HACE1: variants seen among roughly 807,000 people sequenced by gnomAD.
The protein encoded by HACE1 is HECT domain and ankyrin repeat containing E3 ubiquitin protein ligase 1, also known as E3 ubiquitin-protein ligase HACE1.
In HACE1, 73 loss-of-function variants were observed where a neutral mutation model predicts 118.4. That is an observed-to-expected ratio of 0.62 (90% CI 0.51 to 0.75). The LOEUF (loss-of-function observed/expected upper bound fraction) is 0.75, where lower values mean the gene tolerates loss of function less well. Ranked by LOEUF, HACE1 falls within the 30% of genes least tolerant of loss-of-function variation. The pLI, the probability that HACE1 is intolerant of heterozygous loss-of-function variation, is 0.00. For missense variants in HACE1, 749 were observed against 1,102.2 expected, an observed-to-expected ratio of 0.68 and a Z score of 4.54; for synonymous variants, 368 against 374.8, an observed-to-expected ratio of 0.98 and a Z score of 0.21.
At chr6:104,803,538 TG>T (rs1199219587) in intron 7 of HACE1, among the ~76,000 whole-genome samples, 1 of 152,182 alleles carries the variant, frequency 6.6e-6, no homozygotes, top group Non-Finnish European at 1.5e-5. Flanking sequence ...GCTTCATCCC[TG>T]GGATGCAAGG....
At chr6:104,746,329 T>C (rs1777417981) in intron 20 of HACE1, among the ~76,000 whole-genome samples, 1 of 152,230 alleles carries the variant, frequency 6.6e-6, no homozygotes, top group South Asian at 2.1e-4. Context: ...ATCCTTTTCC[T>C]AGATGAAGAC....
chr6:104,859,449 A>C, intron 1 of HACE1, 118 bp downstream of exon 1: 1 of 792,736 alleles, frequency 1.3e-6, no homozygotes, highest in Non-Finnish European at 1.9e-6. Flanking sequence ...GGAAAGTAAA[A>C]GTGGGCGTTT....
chr6:104,817,558 A>G (rs1313277017), intron 6 of HACE1, among the ~76,000 whole-genome samples: 1 of 152,200 alleles, frequency 6.6e-6, no homozygotes, highest in African/African-American at 2.4e-5. Context: ...ACCCAGCCTC[A>G]GGTAGTTCTT....
intron 10 of HACE1, 108 bp downstream of exon 10, chr6:104,795,471 A>G (rs1582507209): frequency 2.6e-6 from 2 of 756,736 alleles, no homozygotes; most frequent in Non-Finnish European, 4.7e-6. Flanking sequence ...GCAAATTTTT[A>G]TAACATCGTT....
chr6:104,822,804 C>T (rs187838890), intron 6 of HACE1, among the ~76,000 whole-genome samples: 4 of 152,000 alleles, frequency 2.6e-5, no homozygotes, highest in Admixed American at 6.5e-5. Context: ...TTGCAGTGAG[C>T]GGAGATCGCG....
intron 14 of HACE1, chr6:104,780,249 G>T (rs575404942): frequency 3.3e-6 from 1 of 305,666 alleles, no homozygotes; most frequent in Non-Finnish European, 6.3e-6. Flanking sequence ...ACATTAAAAG[G>T]TACAAACTGC....
intron 22 of HACE1, among the ~76,000 whole-genome samples, chr6:104,739,337 G>T (rs1023421442): frequency 1.3e-5 from 2 of 152,082 alleles, no homozygotes; most frequent in African/African-American, 4.8e-5. Flanking sequence ...AAATGTAAAT[G>T]GACTAAATGC....
intron 6 of HACE1, among the ~76,000 whole-genome samples, chr6:104,827,945 G>A (rs192498147): frequency 1.2e-3 from 177 of 152,094 alleles, no homozygotes; most frequent in Non-Finnish European, 2.1e-3. Context: ...TGATAAAAGT[G>A]AAATTTATTT....
chr6:104,758,800 C>G (rs1476114515), intron 19 of HACE1, among the ~76,000 whole-genome samples: 1 of 151,864 alleles, frequency 6.6e-6, no homozygotes, highest in Non-Finnish European at 1.5e-5. Context: ...ATTCAGGAGA[C>G]CCATCTCACG....
chr6:104,802,409 T>C (rs1290823833), intron 7 of HACE1, among the ~76,000 whole-genome samples: 1 of 152,186 alleles, frequency 6.6e-6, no homozygotes, highest in Non-Finnish European at 1.5e-5. Context: ...ATCAACAGAA[T>C]ATACATTCTT....
At chr6:104,814,541 C>A (rs1408762580) in intron 6 of HACE1, among the ~76,000 whole-genome samples, 1 of 138,120 alleles carries the variant, frequency 7.2e-6, no homozygotes, top group African/African-American at 2.9e-5. Flanking sequence ...TGAAGCATAT[C>A]CTCCTCCAAA....
chr6:104,774,536 C>A (rs1375791333), intron 17 of HACE1, among the ~76,000 whole-genome samples: 1 of 151,998 alleles, frequency 6.6e-6, no homozygotes, highest in Non-Finnish European at 1.5e-5. Context: ...AAGCACATGC[C>A]ACCATGCCCA....
chr6:104,730,885 T>A (rs1192318890), intron 22 of HACE1: 1 of 154,528 alleles, frequency 6.5e-6, no homozygotes, highest in East Asian at 1.9e-4. Flanking sequence ...ATCCAAATGA[T>A]TTCCTTGTTT....
intron 19 of HACE1, among the ~76,000 whole-genome samples, chr6:104,762,141 C>T (rs1213910666): frequency 2.0e-5 from 3 of 152,092 alleles, no homozygotes; most frequent in African/African-American, 7.2e-5. Context: ...GACAGTGTGG[C>T]GATTCCTCAA....
At chr6:104,837,066 A>G (rs9499985) in intron 5 of HACE1, among the ~76,000 whole-genome samples, 5,820 of 152,306 alleles carry the variant, frequency 0.038, 366 homozygotes, top group African/African-American at 0.13. Context: ...AAAGATAACA[A>G]TTCTCCCCAA....
intron 4 of HACE1, among the ~76,000 whole-genome samples, chr6:104,845,025 A>G (rs372168972): frequency 4.6e-5 from 7 of 152,306 alleles, no homozygotes; most frequent in African/African-American, 1.4e-4. Context: ...GTAAACAGTA[A>G]TACATACAAT....
chr6:104,818,797 A>G (rs977324760), intron 6 of HACE1, among the ~76,000 whole-genome samples: 1 of 152,164 alleles, frequency 6.6e-6, no homozygotes, highest in Non-Finnish European at 1.5e-5. Context: ...GATTATCTCA[A>G]CAGATGCAGA....
In HACE1 at chr6:104,790,934, T is replaced by C. The variant is rs190177234; in HGVS notation, c.1074+570A>G. ...TGAGTAGCAAAACTCCCTTGGTTTTTACATGAATCTTCCAAGGACTTCATC... is the reference window on the plus strand; with the variant it reads ...TGAGTAGCAAAACTCCCTTGGTTTTCACATGAATCTTCCAAGGACTTCATC... On this transcript the variant is annotated intron_variant, in intron 11 of 23. Transcript: ENST00000262903. 1.5e-3 allele frequency among the ~76,000 whole-genome samples: 221 copies of C among 152,296 alleles called. 1 individual carries two copies. Among genetic ancestry groups the C allele is most frequent in the Middle Eastern group, 0.01 (3 of 294 alleles).
intron 4 of HACE1, among the ~76,000 whole-genome samples, chr6:104,848,896 AAATT>A (rs1417421483): frequency 6.6e-6 from 1 of 152,226 alleles, no homozygotes; most frequent in Admixed American, 6.5e-5. Context: ...AGAATCTAAT[AAATT>A]AATAAATATG....
Sources: allele counts gnomAD v4.1 joint callset (sites outside exome capture counted in the v4.1 genomes callset), GRCh38; gene constraint gnomAD v4.1.1; transcripts MANE v1.5; gene names NCBI Gene and HGNC (gene_info 2026-07-23, HGNC 2026-07-21).